The following SOX4 variants were observed in gnomAD, a reference collection of about 807,000 sequenced individuals.
SOX4 encodes transcription factor SOX-4.
For synonymous variants in SOX4, 465 were observed against 348.4 expected (o/e 1.33, Z -3.73); for missense variants, 662 against 694.9 (o/e 0.95, Z 0.53).
chr6:21,595,005 G>A lies in SOX4; in HGVS notation c.471G>A (p.Lys157=). The A allele has an allele frequency of 1.3e-6, 2 of 1,533,338 alleles. No homozygotes were observed. The highest frequency in any genetic ancestry group is 2.0e-5 in the Admixed American group (1 of 49,730). The allele number at this position is 1,533,338 out of a possible 1,614,324, so 95.0% of individuals were successfully genotyped here. ...ASSKPGEKGD[K]VGGSGGGGHG... is the part of the protein sequence containing the mutation. ...CCAAGCCGGGGGAGAAGGGAGACAA[G>A]GTCGGTGGCAGTGGCGGGGGCGGCC... Residue 157 remains lysine, a synonymous_variant, in exon 1 of 1, where the codon AAG becomes AAA. Coordinates refer to ENST00000244745, the MANE Select transcript of SOX4 (RefSeq NM_003107.3).
Position 21,594,657 on chromosome 6 carries a change from C to A in SOX4, c.123C>A (p.Ser41=). The A allele has an allele frequency of 6.2e-7, 1 of 1,602,260 alleles. No homozygotes were observed. The highest frequency in any genetic ancestry group is 2.3e-5 in the East Asian group (1 of 44,298). The change falls in exon 1 of 1, where the codon TCC becomes TCA. Residue 41 remains serine, a synonymous_variant. Coordinates refer to ENST00000244745, the MANE Select transcript of SOX4 (RefSeq NM_003107.3). ...CCCCCACGCCCGGCTCCACCGCCTC[C>A]ACGGGCGGCAAGGCCGACGACCCGA... ...ASSPTPGSTA[S]TGGKADDPSW...
rs761236649 is a variant in SOX4 at position 21,595,781 on chromosome 6, G to A, written c.1247G>A (p.Ser416Asn). The change falls in exon 1 of 1, where the codon AGC becomes AAC. Residue 416 changes from serine to asparagine, a missense_variant. Physicochemically the swap from Ser to Asn is conservative, Grantham distance 46. Coordinates refer to ENST00000244745, the MANE Select transcript of SOX4 (RefSeq NM_003107.3). ...CTGAACCCCAGCTCAAACTTTGAGAGCATGTCCCTGGGCAGCTTCAGTTCG... is the reference window on the plus strand; with the variant it reads ...CTGAACCCCAGCTCAAACTTTGAGAACATGTCCCTGGGCAGCTTCAGTTCG... ...LDLNPSSNFE[S>N]MSLGSFSSSS... 8.1e-6 allele frequency: 13 copies of A among 1,613,586 alleles called. No homozygotes were observed. The highest frequency in any genetic ancestry group is 1.0e-5 in the Non-Finnish European group (12 of 1,179,992).
rs1763113359 is a variant in SOX4, at chr6:21,595,263, GGCC to G, written c.736_738del (p.Ala246del). On this transcript the variant is annotated inframe_deletion, in exon 1 of 1. Coordinates refer to ENST00000244745, the MANE Select transcript of SOX4 (RefSeq NM_003107.3). ...CCTCCTTCGCCGCCGAACAGGCGGGGGCCGCCGCCCTGCTGCCCCTGGGCGCCG... is the reference window on the plus strand; with the variant it reads ...CCTCCTTCGCCGCCGAACAGGCGGGGGCCGCCCTGCTGCCCCTGGGCGCCG... 4.6e-6 allele frequency: 6 copies of G among 1,318,146 alleles called. No individual in the cohort carries two copies. Among genetic ancestry groups the G allele is most frequent in the Admixed American group, 7.8e-5 (2 of 25,696 alleles). The allele number at this position is 1,318,146 out of a possible 1,614,324, so 81.7% of individuals were successfully genotyped here.
At position 21,595,524 on chromosome 6, in the gene SOX4, G is replaced by C; in HGVS notation, c.990G>C (p.Ala330=). 1.3e-5 allele frequency: 16 copies of C among 1,244,842 alleles called. No homozygotes were observed. Among genetic ancestry groups the C allele is most frequent in the Non-Finnish European group, 1.6e-5 (16 of 992,682 alleles). The allele number at this position is 1,244,842 out of a possible 1,614,324, so 77.1% of individuals were successfully genotyped here. A position where few individuals can be genotyped will look rare whatever the true frequency, so the allele number is the denominator to read the frequency against. Residue 330 remains alanine (A), a synonymous_variant, in exon 1 of 1, where the codon GCG becomes GCC. Transcript: ENST00000244745. Reference sequence around the variant, plus strand: ...TGGGCCTGTACGAGGAGGAGGGCGCGGGCTGCTCGCCCGACGCGCCCAGCC... The same window carrying C: ...TGGGCCTGTACGAGGAGGAGGGCGCCGGCTGCTCGCCCGACGCGCCCAGCC... ...DPLGLYEEEG[A]GCSPDAPSLS...
chr6:21,595,150 G>T lies in SOX4; in HGVS notation c.616G>T (p.Gly206Cys). ...GAGCTGCGGCTCCAAAGTGGCGGGC[G>T]GCGCGGGCGGTGGGGTTAGCAAACC... is the stretch of plus-strand genomic sequence containing the variant. ...KKSCGSKVAG[G>C]AGGGVSKPHA... Residue 206 changes from glycine (G) to cysteine (C), a missense_variant, in exon 1 of 1, where the codon GGC becomes TGC. Coordinates refer to ENST00000244745, the MANE Select transcript of SOX4 (RefSeq NM_003107.3). 1 of 1,341,544 alleles carries T rather than the reference G, an allele frequency of 7.5e-7. No individual in the cohort carries two copies. 83.1% of individuals were successfully genotyped at this position (1,341,544 alleles called of 1,614,324 possible). A position where few individuals can be genotyped will look rare whatever the true frequency, so the allele number is the denominator to read the frequency against.
chr6:21,595,403 A>G lies in SOX4; in HGVS notation c.869A>G (p.Glu290Gly). 1.3e-6 allele frequency: 2 copies of G among 1,535,888 alleles called. No homozygotes were observed. Among genetic ancestry groups the G allele is most frequent in the East Asian group, 2.7e-5 (1 of 37,332 alleles). The change falls in exon 1 of 1, where the codon GAG becomes GGG. Residue 290 changes from glutamate to glycine, a missense_variant. Coordinates refer to ENST00000244745, the MANE Select transcript of SOX4 (RefSeq NM_003107.3). Reference sequence around the variant, plus strand: ...GCGGCCCCGGGCAAGCACCTGGCGGAGAAGAAGGTGAAGCGCGTCTACCTG... The same window carrying G: ...GCGGCCCCGGGCAAGCACCTGGCGGGGAAGAAGGTGAAGCGCGTCTACCTG... ...ALAAPGKHLAEKKVKRVYLFG... is the reference protein window; with the variant it reads ...ALAAPGKHLAGKKVKRVYLFG...
At position 21,593,839 on chromosome 6, in the gene SOX4, T is replaced by G. The variant is rs1763075697; in HGVS notation, c.-696T>G. On this transcript the variant is annotated 5_prime_UTR_variant, in exon 1 of 1. Coordinates refer to ENST00000244745, the MANE Select transcript of SOX4 (RefSeq NM_003107.3). The stretch of plus-strand genomic sequence containing the variant: ...CTAGTTCTTGCACGCTCTTTAAGAG[T>G]CTGCACTGGAGGAACTCCTGCCATT... 6.6e-6 allele frequency: 1 copy of G among 151,716 alleles called. No homozygotes were observed. The highest frequency in any genetic ancestry group is 1.5e-5 in the Non-Finnish European group (1 of 67,968). The allele number at this position is 151,716 out of a possible 1,614,324, so 9.4% of individuals were successfully genotyped here.
rs1330128351 is a variant in SOX4 at position 21,594,582 on chromosome 6, C to T, written c.48C>T (p.Ala16=). The part of the protein sequence containing the change: ...NNAENTEALL[A]GESSDSGAGL... Reference sequence around the variant, plus strand: ...CCGAGAACACGGAAGCGCTGCTGGCCGGCGAGAGCTCGGACTCGGGCGCCG... The same window carrying T: ...CCGAGAACACGGAAGCGCTGCTGGCTGGCGAGAGCTCGGACTCGGGCGCCG... The change falls in exon 1 of 1, where the codon GCC becomes GCT. Residue 16 remains alanine (A), a synonymous_variant. Transcript: ENST00000244745. 1.9e-6 allele frequency: 3 copies of T among 1,608,858 alleles called. No individual in the cohort carries two copies. The highest frequency in any genetic ancestry group is 2.2e-5 in the East Asian group (1 of 44,732).
At position 21,595,998 on chromosome 6, in the gene SOX4, A is replaced by G; in HGVS notation, c.*39A>G. The G allele has an allele frequency of 1.4e-6, 2 of 1,451,000 alleles. No individual in the cohort carries two copies. Among genetic ancestry groups the G allele is most frequent in the Non-Finnish European group, 1.8e-6 (2 of 1,100,842 alleles). The allele number at this position is 1,451,000 out of a possible 1,614,324, so 89.9% of individuals were successfully genotyped here. On this transcript the variant is annotated 3_prime_UTR_variant, in exon 1 of 1. Coordinates refer to ENST00000244745, the MANE Select transcript of SOX4 (RefSeq NM_003107.3). ...AGGGAGAAGGGCCGGGGGGGGTAGG[A>G]GAGGAGAAAAAAAAAGTGAAAAAAA... is the stretch of plus-strand genomic sequence containing the variant.
At position 21,594,807 on chromosome 6, in the gene SOX4, G is replaced by A; in HGVS notation, c.273G>A (p.Lys91=). The part of the protein sequence containing the change: ...SPDMHNAEIS[K]RLGKRWKLLK... The stretch of plus-strand genomic sequence containing the variant: ...ACATGCACAACGCCGAGATCTCCAA[G>A]CGGCTGGGCAAACGCTGGAAGCTGC... The change falls in exon 1 of 1, where the codon AAG becomes AAA. Residue 91 remains lysine (K), a synonymous_variant. Transcript: ENST00000244745. 1 of 1,609,004 alleles carries A rather than the reference G, an allele frequency of 6.2e-7. No individual in the cohort carries two copies. Among genetic ancestry groups the A allele is most frequent in the African/African-American group, 1.3e-5 (1 of 75,024 alleles).
At position 21,594,949 on chromosome 6, in the gene SOX4, G is replaced by T; in HGVS notation, c.415G>T (p.Ala139Ser). The change falls in exon 1 of 1, where the codon GCC becomes TCC. Residue 139 changes from alanine to serine, a missense_variant. Ala to Ser is a moderately conservative substitution (Grantham distance 99). Coordinates refer to ENST00000244745, the MANE Select transcript of SOX4 (RefSeq NM_003107.3). Reference protein sequence around the residue: ...RPRKKVKSGNANSSSSAAASS... With the variant: ...RPRKKVKSGNSNSSSSAAASS... Reference sequence around the variant, plus strand: ...CAGGAAGAAGGTGAAGTCCGGCAACGCCAACTCCAGCTCCTCGGCCGCCGC... The same window carrying T: ...CAGGAAGAAGGTGAAGTCCGGCAACTCCAACTCCAGCTCCTCGGCCGCCGC... 1 of 1,609,158 alleles carries T rather than the reference G, an allele frequency of 6.2e-7. No homozygotes were observed. Among genetic ancestry groups the T allele is most frequent in the Non-Finnish European group, 8.5e-7 (1 of 1,177,856 alleles).
rs1763102047 is a variant in SOX4, at chr6:21,594,897, T to A, written c.363T>A (p.Ala121=). 1.9e-6 allele frequency: 3 copies of A among 1,613,118 alleles called. No individual in the cohort carries two copies. Among genetic ancestry groups the A allele is most frequent in the Non-Finnish European group, 2.5e-6 (3 of 1,179,764 alleles). ...EAERLRLKHM[A]DYPDYKYRPR... Reference sequence around the variant, plus strand: ...AGCGGCTGCGCCTCAAGCACATGGCTGACTACCCCGACTACAAGTACCGGC... The same window carrying A: ...AGCGGCTGCGCCTCAAGCACATGGCAGACTACCCCGACTACAAGTACCGGC... Residue 121 remains alanine, a synonymous_variant, in exon 1 of 1, where the codon GCT becomes GCA. Transcript: ENST00000244745.
Position 21,596,004 on chromosome 6 carries a change from GAAA to G in SOX4, c.*52_*54del. On this transcript the variant is annotated 3_prime_UTR_variant, in exon 1 of 1. Coordinates refer to ENST00000244745, the MANE Select transcript of SOX4 (RefSeq NM_003107.3). ...AAGGGCCGGGGGGGGTAGGAGAGGA[GAAA>G]AAAAAAGTGAAAAAAAGAAACGAAA... 1 of 1,396,610 alleles carries G rather than the reference GAAA, an allele frequency of 7.2e-7. No individual in the cohort carries two copies. The highest frequency in any genetic ancestry group is 9.3e-7 in the Non-Finnish European group (1 of 1,070,140). 86.5% of individuals were successfully genotyped at this position (1,396,610 alleles called of 1,614,324 possible). A position where few individuals can be genotyped will look rare whatever the true frequency, so the allele number is the denominator to read the frequency against.
In SOX4 at chr6:21,595,611, C is replaced by A; in HGVS notation, c.1077C>A (p.Arg359=). 1 of 1,258,360 alleles carries A rather than the reference C, an allele frequency of 7.9e-7. No homozygotes were observed. The highest frequency in any genetic ancestry group is 1.0e-6 in the Non-Finnish European group (1 of 1,003,138). The allele number at this position is 1,258,360 out of a possible 1,614,324, so 77.9% of individuals were successfully genotyped here. ...PAAGRSPADH[R]GYASLRAASP... ...CCGGCCGCTCGCCCGCCGACCACCG[C>A]GGCTACGCCAGCCTGCGCGCCGCCT... is the stretch of plus-strand genomic sequence containing the variant. Residue 359 remains arginine (R), a synonymous_variant, in exon 1 of 1, where the codon CGC becomes CGA. Transcript: ENST00000244745.
Position 21,594,986 on chromosome 6 carries a change from C to T in SOX4, c.452C>T (p.Pro151Leu), listed in dbSNP as rs758561958. ...TCCTCGGCCGCCGCCTCCTCCAAGC[C>T]GGGGGAGAAGGGAGACAAGGTCGGT... Reference protein sequence around the residue: ...SSSSAAASSKPGEKGDKVGGS... With the variant: ...SSSSAAASSKLGEKGDKVGGS... Residue 151 changes from proline (P) to leucine (L), a missense_variant, in exon 1 of 1, where the codon CCG becomes CTG. Pro to Leu is a moderately conservative substitution (Grantham distance 98). Coordinates refer to ENST00000244745, the MANE Select transcript of SOX4 (RefSeq NM_003107.3). 4.4e-6 allele frequency: 7 copies of T among 1,588,708 alleles called. No homozygotes were observed. Among genetic ancestry groups the T allele is most frequent in the South Asian group, 1.1e-5 (1 of 87,124 alleles).
chr6:21,595,181 C>G lies in SOX4; in HGVS notation c.647C>G (p.Ala216Gly). 3 of 1,260,606 alleles carry G rather than the reference C, an allele frequency of 2.4e-6. No individual in the cohort carries two copies. The highest frequency in any genetic ancestry group is 3.4e-5 in the South Asian group (1 of 29,124). The allele number at this position is 1,260,606 out of a possible 1,614,324, so 78.1% of individuals were successfully genotyped here. ...GGCGGTGGGGTTAGCAAACCGCACG[C>G]CAAGCTCATCCTGGCAGGCGGCGGC... ...GAGGGVSKPH[A>G]KLILAGGGGG... The change falls in exon 1 of 1, where the codon GCC (alanine) becomes GGC (glycine). Residue 216 changes from alanine (A) to glycine (G), a missense_variant. Transcript: ENST00000244745.
rs753004200 is a variant in SOX4 at position 21,595,944 on chromosome 6, G to A, written c.1410G>A (p.Leu470=). The A allele has an allele frequency of 1.2e-5, 18 of 1,558,750 alleles. No homozygotes were observed. The change falls in exon 1 of 1, where the codon CTG becomes CTA. Residue 470 remains leucine, a synonymous_variant. Transcript: ENST00000244745. ...GGCTCGAGTCCAGCATCTCCAACCT[G>A]GTTTTCACCTACTGAAGGGCGCGCA... ...GDWLESSISN[L]VFTY
Position 21,598,030 on chromosome 6 carries a change from G to C in SOX4, c.*2071G>C, listed in dbSNP as rs1763208657. ...AATTACAGCAAAAAGGGATTCTGTA[G>C]CTTTAACTTGTAAACCACATCTTTT... On this transcript the variant is annotated 3_prime_UTR_variant, in exon 1 of 1. Coordinates refer to ENST00000244745, the MANE Select transcript of SOX4 (RefSeq NM_003107.3). The C allele has an allele frequency of 6.0e-6, 1 of 167,076 alleles. No homozygotes were observed. The highest frequency in any genetic ancestry group is 2.4e-5 in the African/African-American group (1 of 41,450). The allele number at this position is 167,076 out of a possible 1,614,324, so 10.3% of individuals were successfully genotyped here.
rs750394567 is a variant in SOX4 at position 21,595,808 on chromosome 6, C to T, written c.1274C>T (p.Ser425Leu). The T allele has an allele frequency of 4.3e-6, 7 of 1,613,380 alleles. No homozygotes were observed. The highest frequency in any genetic ancestry group is 1.1e-5 in the South Asian group (1 of 91,050). ...ATGTCCCTGGGCAGCTTCAGTTCGT[C>T]GTCGGCGCTCGACCGGGACCTGGAT... ...ESMSLGSFSS[S>L]SALDRDLDFN... Residue 425 changes from serine (S) to leucine (L), a missense_variant, in exon 1 of 1, where the codon TCG (serine) becomes TTG (leucine). By Grantham distance (145) the Ser-to-Leu change is moderately radical. Coordinates refer to ENST00000244745, the MANE Select transcript of SOX4 (RefSeq NM_003107.3).
Sources: allele counts gnomAD v4.1 joint callset, GRCh38; gene constraint gnomAD v4.1.1; transcripts MANE v1.5; gene names NCBI Gene and HGNC (gene_info 2026-07-23, HGNC 2026-07-21).